Variants in PGAP2 observed in about 807,000 individuals in gnomAD.
PGAP2 encodes the protein acyltransferase PGAP2.
PGAP2 carries 21 observed loss-of-function variants against 33.2 expected under a neutral mutation model. That is an observed-to-expected ratio of 0.63 (90% CI 0.45 to 0.91). PGAP2 has a LOEUF of 0.91. Among genes scored for constraint, PGAP2 ranks in the 40% least tolerant of loss-of-function variants. The pLI, the probability that PGAP2 is intolerant of heterozygous loss-of-function variation, is 0.00. For synonymous variants in PGAP2, 161 were observed against 172.9 expected, an observed-to-expected ratio of 0.93 and a Z score of 0.54; for missense variants, 345 against 424.0, an observed-to-expected ratio of 0.81 and a Z score of 1.64.
chr11:3,817,110 G>A (rs537778332), intron 2 of PGAP2, among the ~76,000 whole-genome samples: 2 of 152,094 alleles, frequency 1.3e-5, no homozygotes, highest in Non-Finnish European at 2.9e-5. Context: ...TCAAGAGGTG[G>A]ACCTAGAGTA....
chr11:3,821,426 A>G (rs1387506412), intron 3 of PGAP2, among the ~76,000 whole-genome samples: 2 of 152,264 alleles, frequency 1.3e-5, no homozygotes, highest in Non-Finnish European at 2.9e-5. Flanking sequence ...AGTGTGGGCA[A>G]TGGACTGGCC....
At chr11:3,821,708 A>G (rs2088680443) in intron 3 of PGAP2, among the ~76,000 whole-genome samples, 1 of 151,862 alleles carries the variant, frequency 6.6e-6, no homozygotes, top group South Asian at 2.1e-4. Flanking sequence ...CAGTGAGCCA[A>G]AATTGCGCCA....
chr11:3,817,622 G>A (rs780251091), intron 3 of PGAP2, 87 bp downstream of exon 3: 2 of 1,114,780 alleles, frequency 1.8e-6, no homozygotes, highest in African/African-American at 3.1e-5. Context: ...AGGAAGTGGA[G>A]GATCAGAGAG....
intron 3 of PGAP2, chr11:3,823,105 C>T (rs2089268386): frequency 9.0e-6 from 5 of 556,260 alleles, no homozygotes; most frequent in Middle Eastern, 5.0e-4. Flanking sequence ...GGCACAATCT[C>T]GGCTCACTGC....
upstream of PGAP2, chr11:3,807,919 C>A: frequency 2.2e-6 from 1 of 445,284 alleles, no homozygotes; most frequent in Non-Finnish European, 3.2e-6. Flanking sequence ...GGAACTCTGG[C>A]AGCTGGTTTT....
chr11:3,802,541 G>A (rs952809425), intron 1 of PGAP2, among the ~76,000 whole-genome samples: 2 of 152,186 alleles, frequency 1.3e-5, no homozygotes, highest in Admixed American at 1.3e-4. Context: ...TCTGGCCAAG[G>A]AAAGTCCAGC....
At chr11:3,805,843 C>T (rs1435588626), upstream of PGAP2, among the ~76,000 whole-genome samples, 3 of 151,840 alleles carry the variant, frequency 2.0e-5, no homozygotes, top group Non-Finnish European at 4.4e-5. Context: ...CGCGCCATCA[C>T]GCCTAGCTAA....
At chr11:3,820,043 A>G (rs549468272) in intron 3 of PGAP2, among the ~76,000 whole-genome samples, 1 of 152,256 alleles carries the variant, frequency 6.6e-6, no homozygotes, top group South Asian at 2.1e-4. Flanking sequence ...GTCAGGGTTC[A>G]GGGCCCTTGA....
At chr11:3,809,157 A>G (rs1455523655) in intron 1 of PGAP2, among the ~76,000 whole-genome samples, 2 of 152,170 alleles carry the variant, frequency 1.3e-5, no homozygotes, top group Non-Finnish European at 2.9e-5. Flanking sequence ...CACTCAGTAA[A>G]TGTGGGTTCA....
At chr11:3,824,919 C>T (rs2089736578) in intron 5 of PGAP2, 101 bp from the exon 6 acceptor site, 2 of 1,553,062 alleles carry the variant, frequency 1.3e-6, no homozygotes, top group South Asian at 2.5e-5. Flanking sequence ...TAGTGGGAGC[C>T]AAGGGAGATA....
chr11:3,823,573 G>A (rs1439650131), intron 3 of PGAP2: 5 of 1,534,730 alleles, frequency 3.3e-6, no homozygotes, highest in East Asian at 2.4e-5. Context: ...AGCTATGGGT[G>A]TAGAGCATCT....
chr11:3,812,907 A>T (rs1240185093), intron 2 of PGAP2, among the ~76,000 whole-genome samples: 9 of 152,178 alleles, frequency 5.9e-5, no homozygotes, highest in Admixed American at 5.9e-4. Context: ...CTGGACGAAA[A>T]GGGCGAACAG....
At chr11:3,823,633 G>T (rs1221926456) in intron 3 of PGAP2, 1 of 1,538,040 alleles carries the variant, frequency 6.5e-7, no homozygotes, top group African/African-American at 1.4e-5. Flanking sequence ...GTCTGCGGGG[G>T]AGATGGAGAA....
At chr11:3,803,339 G>A (rs2083780956) in intron 1 of PGAP2, among the ~76,000 whole-genome samples, 1 of 150,776 alleles carries the variant, frequency 6.6e-6, no homozygotes. Context: ...ATGTTAGCCA[G>A]GATGGTCTCG....
chr11:3,823,504 T>C, intron 3 of PGAP2: 2 of 1,163,726 alleles, frequency 1.7e-6, no homozygotes, highest in South Asian at 1.4e-5. Context: ...ATCCCTGTCC[T>C]CTGGACTGAA....
At position 3,808,590 on chromosome 11, in the gene PGAP2, C is replaced by T; in HGVS notation, c.-72C>T. On this transcript the variant is annotated 5_prime_UTR_variant, in exon 1 of 7. Transcript: ENST00000278243. Reference sequence around the variant, plus strand: ...CGCTCTGACCAGCCCGCAGAGCCAGCCCCCGACCCCGGGCCACCTGGGCCC... The same window carrying T: ...CGCTCTGACCAGCCCGCAGAGCCAGTCCCCGACCCCGGGCCACCTGGGCCC... 1 of 1,346,044 alleles carries T rather than the reference C, an allele frequency of 7.4e-7. No homozygotes were observed. Among genetic ancestry groups the T allele is most frequent in the Non-Finnish European group, 9.5e-7 (1 of 1,049,094 alleles). The allele number at this position is 1,346,044 out of a possible 1,614,324, so 83.4% of individuals were successfully genotyped here.
chr11:3,808,078 G>C (rs192503212), upstream of PGAP2: 3,488 of 1,431,594 alleles, frequency 2.4e-3, 7 homozygotes, highest in Admixed American at 7.7e-3. Context: ...GGGTCTCACT[G>C]CCTGCAAAGG....
chr11:3,821,940 G>A (rs1308406820), intron 3 of PGAP2, among the ~76,000 whole-genome samples: 2 of 151,738 alleles, frequency 1.3e-5, no homozygotes, highest in Non-Finnish European at 2.9e-5. Context: ...CAGGCATGGT[G>A]GTGGCTACTT....
At chr11:3,823,403 G>A (rs1024857798) in intron 3 of PGAP2, among the ~76,000 whole-genome samples, 1 of 152,148 alleles carries the variant, frequency 6.6e-6, no homozygotes, top group Non-Finnish European at 1.5e-5. Flanking sequence ...CTGCCTAGAG[G>A]AGTGAGTGGC....
Sources: gnomAD v4.1 joint callset for allele counts (sites outside exome capture counted in the v4.1 genomes callset) on GRCh38, gnomAD v4.1.1 for gene constraint, MANE v1.5 for transcripts, NCBI Gene and HGNC (gene_info 2026-07-23, HGNC 2026-07-21) for gene names.